The following HK2 variants were observed in gnomAD, a reference collection of about 807,000 sequenced individuals.
The protein encoded by HK2 is hexokinase 2.
In HK2, 42 loss-of-function variants were observed where a neutral mutation model predicts 92.9. The ratio of observed to expected loss-of-function variants is 0.45; its 90% CI spans 0.35 to 0.58. The LOEUF is 0.58. Among genes scored for constraint, HK2 ranks in the 20% least tolerant of loss-of-function variants. The pLI, the probability that HK2 is intolerant of heterozygous loss-of-function variation, is 0.00. For synonymous variants in HK2, 422 were observed against 468.0 expected (o/e 0.90, Z 1.27); for missense variants, 978 against 1,245.1 (o/e 0.79, Z 3.23).
chr2:74,854,170 T>C lies in HK2; in HGVS notation c.64-123T>C. 3 of 939,628 alleles carry C rather than the reference T, an allele frequency of 3.2e-6. No individual in the cohort carries two copies. The South Asian group carries it at 3.9e-5, about 12-fold the overall frequency. 58.2% of individuals were successfully genotyped at this position (939,628 alleles called of 1,614,324 possible). On this transcript the variant is annotated intron_variant, in intron 1 of 17. Transcript: ENST00000290573. The stretch of plus-strand genomic sequence containing the variant: ...ATCGGTTCCTACTAATGGTCTTTAA[T>C]AATAACTTTCTGTACATAACAGATT...
At chr2:74,865,609 G>T (rs976304109) in intron 2 of HK2, among the ~76,000 whole-genome samples, 1 of 152,100 alleles carries the variant, frequency 6.6e-6, no homozygotes, top group African/African-American at 2.4e-5. Flanking sequence ...CATGAGGCAG[G>T]CAGGCTAACC....
In HK2 at chr2:74,854,007, C is replaced by T. The variant is rs77203973; in HGVS notation, c.64-286C>T. Among the ~76,000 whole-genome samples the T allele has an allele frequency of 1.3e-4, 20 of 152,184 alleles. No individual in the cohort carries two copies. In the East Asian group the frequency reaches 3.5e-3, roughly 26 times the overall value. On this transcript the variant is annotated intron_variant, in intron 1 of 17. Transcript: ENST00000290573. ...TCCAGTGATGTTGTCACAGGCCTTCCGACTCAACCATTCTGAAAAGAACTC... is the reference window on the plus strand; with the variant it reads ...TCCAGTGATGTTGTCACAGGCCTTCTGACTCAACCATTCTGAAAAGAACTC...
In HK2 at chr2:74,877,335, C is replaced by G. The variant is rs1374632849; in HGVS notation, c.1031+14C>G. On this transcript the variant is annotated intron_variant, in intron 8 of 17. Transcript: ENST00000290573. The stretch of plus-strand genomic sequence containing the variant: ...AGACATTGAAGGGTGAGCTTCTGGC[C>G]AGCCCCCTCTATTTGCTGGATCACC... 1 of 1,614,072 alleles carries G rather than the reference C, an allele frequency of 6.2e-7. No individual in the cohort carries two copies. Among genetic ancestry groups the G allele is most frequent in the Non-Finnish European group, 8.5e-7 (1 of 1,179,974 alleles).
Position 74,854,281 on chromosome 2 carries a change from C to T in HK2, c.64-12C>T. On this transcript the variant is annotated splice_polypyrimidine_tract_variant and intron_variant, in intron 1 of 17. Coordinates refer to ENST00000290573, the MANE Select transcript of HK2 (RefSeq NM_000189.5). ...ACCAGTGGTTTCTGCTCTTGTCTTC[C>T]TCCTTTTTCAGGTTGACCAGTATCT... 1 of 1,611,982 alleles carries T rather than the reference C, an allele frequency of 6.2e-7. No individual in the cohort carries two copies. Among genetic ancestry groups the T allele is most frequent in the Non-Finnish European group, 8.5e-7 (1 of 1,179,806 alleles).
At chr2:74,868,302 C>G (rs1689009713) in intron 3 of HK2, among the ~76,000 whole-genome samples, 1 of 152,250 alleles carries the variant, frequency 6.6e-6, no homozygotes, top group African/African-American at 2.4e-5. Context: ...CCGAAGTTGT[C>G]ACGTGGCTCC....
intron 3 of HK2, among the ~76,000 whole-genome samples, chr2:74,871,397 C>G (rs1689094685): frequency 6.6e-6 from 1 of 152,206 alleles, no homozygotes; most frequent in Admixed American, 6.5e-5. Context: ...GCCTCTTTGG[C>G]CTCTGCTTAC....
chr2:74,880,248 G>A lies in HK2; in HGVS notation c.1266-17G>A, dbSNP rs373836137. On this transcript the variant is annotated splice_polypyrimidine_tract_variant and intron_variant, in intron 9 of 17. Transcript: ENST00000290573. ...AACCATGGACACCTGTCTCTTACCC[G>A]CCCTGGGGAACTGCAGTTTTGCCAA... 167 of 1,613,778 alleles carry A rather than the reference G, an allele frequency of 1.0e-4. No homozygotes were observed. Among genetic ancestry groups the A allele is most frequent in the East Asian group, 1.3e-4 (6 of 44,898 alleles).
At chr2:74,847,581 G>C (rs1376170357) in intron 1 of HK2, among the ~76,000 whole-genome samples, 1 of 152,170 alleles carries the variant, frequency 6.6e-6, no homozygotes, top group Non-Finnish European at 1.5e-5. Context: ...AGCTACTTGG[G>C]AGGCTGCAGT....
intron 2 of HK2, among the ~76,000 whole-genome samples, chr2:74,857,869 C>T (rs1033448578): frequency 2.6e-5 from 4 of 152,154 alleles, no homozygotes; most frequent in African/African-American, 9.7e-5. Context: ...AGCGATTCCC[C>T]CCATGTGGTC....
At position 74,890,897 on chromosome 2, in the gene HK2, A is replaced by G. The variant is rs748508742; in HGVS notation, c.2710A>G (p.Ile904Val). 5 of 1,614,220 alleles carry G rather than the reference A, an allele frequency of 3.1e-6. No homozygotes were observed. Among genetic ancestry groups the G allele is most frequent in the African/African-American group, 1.3e-5 (1 of 75,038 alleles). ...TGGCAGCGGGAAGGGGGCGGCGCTC[A>G]TCACTGCTGTGGCCTGCCGCATCCG... ...EDGSGKGAAL[I>V]TAVACRIREA... Residue 904 changes from isoleucine to valine, a missense_variant, in exon 18 of 18, where the codon ATC becomes GTC. Around this residue, in one of 3 missense-constraint regions of HK2, gnomAD observed 742 missense variants for 922.5 expected, o/e 0.80. Coordinates refer to ENST00000290573, the MANE Select transcript of HK2 (RefSeq NM_000189.5).
intron 2 of HK2, among the ~76,000 whole-genome samples, chr2:74,860,093 TTATAAG>T (rs1247683666): frequency 4.6e-5 from 7 of 151,820 alleles, no homozygotes; most frequent in Non-Finnish European, 7.4e-5. Context: ...ACGTTTTCAC[TTATAAG>T]TGGGAGCTAA....
At chr2:74,864,550 A>G (rs1282110799) in intron 2 of HK2, among the ~76,000 whole-genome samples, 1 of 151,990 alleles carries the variant, frequency 6.6e-6, no homozygotes, top group African/African-American at 2.4e-5. Context: ...TCTATTGCCC[A>G]GGCTGGGGTA....
chr2:74,889,851 C>T (rs899515563), intron 17 of HK2, among the ~76,000 whole-genome samples: 1 of 152,204 alleles, frequency 6.6e-6, no homozygotes, highest in Non-Finnish European at 1.5e-5. Context: ...TCTTCTGTGG[C>T]TGGCTTTTCT....
chr2:74,870,017 T>C (rs1469086401), intron 3 of HK2, among the ~76,000 whole-genome samples: 4 of 149,988 alleles, frequency 2.7e-5, no homozygotes. Flanking sequence ...TTTTTTTTTT[T>C]TTGAGACAGT....
Position 74,834,540 on chromosome 2 carries a change from C to T in HK2, c.-41C>T. The T allele has an allele frequency of 6.2e-7, 1 of 1,608,358 alleles. No individual in the cohort carries two copies. The highest frequency in any genetic ancestry group is 8.5e-7 in the Non-Finnish European group (1 of 1,174,906). ...CCGCCCGCCTCCCCTCTCGCGTCTC[C>T]GCCTCGGTTTCCCAACTCTGCGCCG... On this transcript the variant is annotated 5_prime_UTR_variant, in exon 1 of 18. Coordinates refer to ENST00000290573, the MANE Select transcript of HK2 (RefSeq NM_000189.5). This position sits in a 1 kb window ranked among gnomAD's most constrained non-coding sequence, Gnocchi z 4.2.
At chr2:74,853,908 A>AG in intron 1 of HK2, among the ~76,000 whole-genome samples, 1 of 152,116 alleles carries the variant, frequency 6.6e-6, no homozygotes, top group East Asian at 1.9e-4. Flanking sequence ...GCCTAGGGTG[A>AG]GGGGCAATGG....
intron 1 of HK2, among the ~76,000 whole-genome samples, chr2:74,837,076 T>C (rs920454201): frequency 2.0e-5 from 3 of 152,222 alleles, no homozygotes; most frequent in Admixed American, 1.3e-4. Flanking sequence ...GAGCACCTAC[T>C]GTGTACCTGG....
At chr2:74,883,568 T>TGTG (rs1689451431) in intron 12 of HK2, among the ~76,000 whole-genome samples, 3 of 152,210 alleles carry the variant, frequency 2.0e-5, no homozygotes, top group African/African-American at 7.2e-5. Context: ...ACAGTGGCCC[T>TGTG]CACCTTGGCT....
chr2:74,854,100 A>G lies in HK2; in HGVS notation c.64-193A>G, dbSNP rs187997180. 7.2e-4 allele frequency among the ~76,000 whole-genome samples: 109 copies of G among 151,998 alleles called. 1 individual carries two copies. The highest frequency in any genetic ancestry group is 2.5e-3 in the African/African-American group (104 of 41,398). On this transcript the variant is annotated intron_variant, in intron 1 of 17. Coordinates refer to ENST00000290573, the MANE Select transcript of HK2 (RefSeq NM_000189.5). Reference sequence around the variant, plus strand: ...TCCAAAAATTAGGTCTATTTTTATAATTTTAATTTTTTGGTTTTTTTTTTT... The same window carrying G: ...TCCAAAAATTAGGTCTATTTTTATAGTTTTAATTTTTTGGTTTTTTTTTTT...
Sources: gnomAD v4.1 joint callset for allele counts (sites outside exome capture counted in the v4.1 genomes callset) on GRCh38, gnomAD v4.1.1 for gene constraint, gnomAD v4.1.1 regional missense constraint, Gnocchi (gnomAD v3.1) non-coding constraint, MANE v1.5 for transcripts, NCBI Gene and HGNC (gene_info 2026-07-23, HGNC 2026-07-21) for gene names.